Variants in FBXW7 observed in about 807,000 individuals in gnomAD.
The protein encoded by FBXW7 is F-box/WD repeat-containing protein 7.
A neutral mutation model predicts 86.3 loss-of-function variants in FBXW7; 11 were observed. The observed-to-expected ratio is 0.13, with a 90% confidence interval of 0.08 to 0.21. FBXW7 has a LOEUF of 0.21. Among genes scored for constraint, FBXW7 ranks in the 10% least tolerant of loss-of-function variants. FBXW7 has a pLI of 1.00. For missense variants in FBXW7, 488 were observed against 847.4 expected (o/e 0.58, Z 5.27); for synonymous variants, 313 against 297.9 (o/e 1.05, Z -0.52).
intron 13 of FBXW7, chr4:152,323,582 TA>T (rs567618492): frequency 7.5e-4 from 136 of 180,250 alleles, no homozygotes; most frequent in Non-Finnish European, 1.2e-3. Context: ...AACCAATGAG[TA>T]AAAAGCTGCA....
At chr4:152,370,774 T>G (rs1579018623) in intron 4 of FBXW7, among the ~76,000 whole-genome samples, 1 of 152,050 alleles carries the variant, frequency 6.6e-6, no homozygotes, top group Non-Finnish European at 1.5e-5. Context: ...GTTCGATAGC[T>G]CTGAAAAATA....
chr4:152,536,047 G>A lies in FBXW7; in HGVS notation c.-1133C>T, dbSNP rs1041479502. On this transcript the variant is annotated 5_prime_UTR_variant, in exon 1 of 14. Coordinates refer to ENST00000281708, the MANE Select transcript of FBXW7 (RefSeq NM_001349798.2). Reference sequence around the variant, plus strand: ...AGCGGCAGCGCCCGGAGCTCAGCTCGCTGTCTCCCTCGCTCTGTGCGGGGC... The same window carrying A: ...AGCGGCAGCGCCCGGAGCTCAGCTCACTGTCTCCCTCGCTCTGTGCGGGGC... 1 of 207,300 alleles carries A rather than the reference G, an allele frequency of 4.8e-6. No homozygotes were observed. Among genetic ancestry groups the A allele is most frequent in the Non-Finnish European group, 9.6e-6 (1 of 104,336 alleles). The allele number at this position is 207,300 out of a possible 1,614,324, so 12.8% of individuals were successfully genotyped here.
At chr4:152,511,358 A>C (rs1747961553) in intron 2 of FBXW7, among the ~76,000 whole-genome samples, 1 of 149,354 alleles carries the variant, frequency 6.7e-6, no homozygotes, top group South Asian at 2.1e-4. Flanking sequence ...CAATTACTTA[A>C]AAGTTCTAAT....
At chr4:152,421,728 A>G (rs1489127890) in intron 2 of FBXW7, among the ~76,000 whole-genome samples, 10 of 152,132 alleles carry the variant, frequency 6.6e-5, no homozygotes, top group Admixed American at 6.6e-4. Flanking sequence ...CTTAGAAGCC[A>G]CTGTAGGGTT....
intron 2 of FBXW7, among the ~76,000 whole-genome samples, chr4:152,534,562 G>T (rs1750317844): frequency 1.3e-5 from 2 of 152,116 alleles, no homozygotes; most frequent in Admixed American, 6.6e-5. Context: ...ACCTATATGA[G>T]AGTACCCCCG....
intron 4 of FBXW7, among the ~76,000 whole-genome samples, chr4:152,396,136 T>C (rs1264595308): frequency 1.3e-5 from 2 of 151,952 alleles, no homozygotes; most frequent in Non-Finnish European, 2.9e-5. Flanking sequence ...AAATCATTGA[T>C]GGAAATTAGT....
At chr4:152,334,670 A>G (rs969478452) in intron 7 of FBXW7, among the ~76,000 whole-genome samples, 2 of 152,188 alleles carry the variant, frequency 1.3e-5, no homozygotes, top group African/African-American at 4.8e-5. Flanking sequence ...TCACCAGGTA[A>G]AATTTCCAGC....
chr4:152,353,753 G>A (rs1023042826), intron 4 of FBXW7, among the ~76,000 whole-genome samples: 1 of 152,096 alleles, frequency 6.6e-6, no homozygotes, highest in Non-Finnish European at 1.5e-5. Flanking sequence ...ATTTTTCCTG[G>A]AATGACTACT....
intron 2 of FBXW7, among the ~76,000 whole-genome samples, chr4:152,529,016 G>A (rs2149744309): frequency 6.6e-6 from 1 of 152,024 alleles, no homozygotes; most frequent in African/African-American, 2.4e-5. Flanking sequence ...CAAATTAACA[G>A]CAAGAATTCA....
At chr4:152,412,937 C>T (rs1010491752) in intron 2 of FBXW7, among the ~76,000 whole-genome samples, 1 of 151,996 alleles carries the variant, frequency 6.6e-6, no homozygotes, top group Admixed American at 6.6e-5. Flanking sequence ...AACCTAGGCT[C>T]TAGAATTTTA....
At chr4:152,385,595 T>C (rs1054049962) in intron 4 of FBXW7, among the ~76,000 whole-genome samples, 5 of 152,072 alleles carry the variant, frequency 3.3e-5, no homozygotes, top group African/African-American at 1.2e-4. Flanking sequence ...GAAGTAAAGC[T>C]AGGCTTTTCA....
At chr4:152,476,428 T>C (rs1744410430) in intron 2 of FBXW7, among the ~76,000 whole-genome samples, 1 of 152,096 alleles carries the variant, frequency 6.6e-6, no homozygotes. Flanking sequence ...AGGCAAAAAG[T>C]TCCTAAGACA....
At chr4:152,534,231 A>T (rs910028874) in intron 2 of FBXW7, among the ~76,000 whole-genome samples, 1 of 151,956 alleles carries the variant, frequency 6.6e-6, no homozygotes, top group African/African-American at 2.4e-5. Flanking sequence ...CAAACCAAAT[A>T]AAAAAGTGCT....
rs759729468 is a variant in FBXW7, at chr4:152,337,796, C to A, written c.861+6G>T. 16 of 1,603,862 alleles carry A rather than the reference C, an allele frequency of 1.0e-5. No individual in the cohort carries two copies. The highest frequency in any genetic ancestry group is 1.1e-5 in the Non-Finnish European group (13 of 1,176,416). On this transcript the variant is annotated splice_donor_region_variant and intron_variant, in intron 7 of 13. Transcript: ENST00000281708. ...CCCAATGAAGAATGTAATTGATAAT[C>A]TTTACCTCTTTAGGGAGCAATGAAA... is the stretch of plus-strand genomic sequence containing the variant.
intron 2 of FBXW7, among the ~76,000 whole-genome samples, chr4:152,417,222 C>A (rs2126900926): frequency 6.6e-6 from 1 of 152,238 alleles, no homozygotes; most frequent in Non-Finnish European, 1.5e-5. Context: ...ACACCAAATT[C>A]ATTATTTTAA....
intron 2 of FBXW7, among the ~76,000 whole-genome samples, chr4:152,492,593 GT>G (rs1331164471): frequency 6.6e-6 from 1 of 152,018 alleles, no homozygotes; most frequent in Non-Finnish European, 1.5e-5. Flanking sequence ...TTATTTTATG[GT>G]TTAAGTCTGC....
chr4:152,435,303 T>C (rs890090187), intron 2 of FBXW7, among the ~76,000 whole-genome samples: 9 of 152,222 alleles, frequency 5.9e-5, no homozygotes, highest in Admixed American at 3.3e-4. Context: ...TTCATTCCTT[T>C]AACAACTTTG....
intron 6 of FBXW7, among the ~76,000 whole-genome samples, chr4:152,344,613 C>T (rs1731080563): frequency 2.0e-5 from 3 of 151,282 alleles, no homozygotes; most frequent in Admixed American, 2.0e-4. Flanking sequence ...TGATGAAATA[C>T]AGCATGCGGT....
At chr4:152,443,988 T>C (rs1041568845) in intron 2 of FBXW7, among the ~76,000 whole-genome samples, 24 of 152,178 alleles carry the variant, frequency 1.6e-4, no homozygotes, top group Non-Finnish European at 5.9e-5. Flanking sequence ...TTTATAAATT[T>C]GCTGTATTTC....
Sources: gnomAD v4.1 joint callset for allele counts (sites outside exome capture counted in the v4.1 genomes callset) on GRCh38, gnomAD v4.1.1 for gene constraint, MANE v1.5 for transcripts, NCBI Gene and HGNC (gene_info 2026-07-23, HGNC 2026-07-21) for gene names.